Variants in PTPRD observed in about 807,000 individuals in gnomAD.
PTPRD encodes protein tyrosine phosphatase receptor type D.
Under a neutral mutation model 214.5 loss-of-function variants are expected in PTPRD, and 34 were observed. That is an observed-to-expected ratio of 0.16 (90% CI 0.12 to 0.21). The LOEUF is 0.21. PTPRD is among the 10% of genes least tolerant of loss of function. The pLI is 1.00. For missense variants in PTPRD, 2,545 were observed against 2,398.7 expected (o/e 1.06, Z -1.27); for synonymous variants, 1,128 against 845.7 (o/e 1.33, Z -5.79).
At chr9:8,841,456 G>A (rs951072757) in intron 11 of PTPRD, among the ~76,000 whole-genome samples, 1 of 152,034 alleles carries the variant, frequency 6.6e-6, no homozygotes, top group Admixed American at 6.6e-5. Context: ...AAAATGTTGT[G>A]TGGGGGAAGA....
intron 5 of PTPRD, among the ~76,000 whole-genome samples, chr9:9,874,987 G>C (rs1047014561): frequency 6.6e-6 from 1 of 152,112 alleles, no homozygotes; most frequent in Admixed American, 6.5e-5. Flanking sequence ...TTTGAATAAA[G>C]AGCACAATCA....
chr9:8,628,243 CTG>C (rs1355819546), intron 14 of PTPRD, among the ~76,000 whole-genome samples: 1 of 151,838 alleles, frequency 6.6e-6, no homozygotes, highest in African/African-American at 2.4e-5. Flanking sequence ...TAAAATGAGA[CTG>C]TAATCAACAT....
At position 9,709,984 on chromosome 9, in the gene PTPRD, T is replaced by G. The variant is rs187506723; in HGVS notation, c.-287+24549A>C. Among the ~76,000 whole-genome samples the G allele has an allele frequency of 9.2e-3, 1,402 of 152,164 alleles. 14 individuals are homozygous for G. Among genetic ancestry groups the G allele is most frequent in the Middle Eastern group, 0.02 (6 of 294 alleles). On this transcript the variant is annotated intron_variant, in intron 7 of 45. Transcript: ENST00000381196. ...ATCTTCTAGTCTGAAGGCGCTATAG[T>G]TCAGTGAATAGCATCATGCTGATTA...
intron 35 of PTPRD, among the ~76,000 whole-genome samples, chr9:8,431,714 T>G (rs2095065488): frequency 6.6e-6 from 1 of 152,192 alleles, no homozygotes; most frequent in East Asian, 1.9e-4. Context: ...CCTGAAGAGC[T>G]CTTTTAAAAT....
chr9:8,782,337 C>CT (rs907752629), intron 11 of PTPRD, among the ~76,000 whole-genome samples: 2 of 151,932 alleles, frequency 1.3e-5, no homozygotes, highest in South Asian at 2.1e-4. Context: ...TAGTCAACAA[C>CT]TTTTTTATGG....
intron 2 of PTPRD, among the ~76,000 whole-genome samples, chr9:10,440,846 A>C (rs1384232179): frequency 6.6e-6 from 1 of 151,746 alleles, no homozygotes; most frequent in Non-Finnish European, 1.5e-5. Flanking sequence ...CATGGCAATG[A>C]ATTGTTCTAA....
intron 7 of PTPRD, among the ~76,000 whole-genome samples, chr9:9,605,424 G>A (rs2094087474): frequency 6.6e-6 from 1 of 151,874 alleles, no homozygotes; most frequent in Non-Finnish European, 1.5e-5. Context: ...GCAAAGAAGT[G>A]GAACACCTGC....
intron 2 of PTPRD, among the ~76,000 whole-genome samples, chr9:10,513,787 C>A (rs56397962): frequency 8.6e-4 from 131 of 152,188 alleles, no homozygotes; most frequent in African/African-American, 2.2e-3. Context: ...ACACACAGTG[C>A]AAAAGAAATT....
chr9:9,369,902 T>G (rs1473843445), intron 9 of PTPRD, among the ~76,000 whole-genome samples: 1 of 152,196 alleles, frequency 6.6e-6, no homozygotes, highest in Non-Finnish European at 1.5e-5. Context: ...GTCAGGTTTG[T>G]CAAAGATCAG....
Position 8,667,248 on chromosome 9 carries a change from A to C in PTPRD, c.65-30404T>G, listed in dbSNP as rs377425133. 6.6e-5 allele frequency among the ~76,000 whole-genome samples: 10 copies of C among 152,308 alleles called. No homozygotes were observed. The South Asian group carries it at 2.1e-3, about 32-fold the overall frequency. On this transcript the variant is annotated intron_variant, in intron 12 of 45. Transcript: ENST00000381196. ...CAGCTACTTGGGAGGCTGAGGCAGG[A>C]GTATCGCTTGAACACGGGACGCAGA...
intron 11 of PTPRD, among the ~76,000 whole-genome samples, chr9:8,933,084 T>C (rs374257490): frequency 1.3e-5 from 2 of 152,012 alleles, no homozygotes; most frequent in East Asian, 1.9e-4. Context: ...CCGTTCCTCA[T>C]GGCACAGTCC....
intron 12 of PTPRD, among the ~76,000 whole-genome samples, chr9:8,727,060 G>C (rs568901945): frequency 4.6e-5 from 7 of 152,080 alleles, no homozygotes; most frequent in Admixed American, 1.3e-4. Flanking sequence ...AATGTTAAGG[G>C]AATAAAACCA....
In PTPRD at chr9:8,425,869, T is replaced by C. The variant is rs574945593; in HGVS notation, c.4086+10723A>G. On this transcript the variant is annotated intron_variant, in intron 35 of 45. Transcript: ENST00000381196. ...AGCAGAGACATCAGGACAGTTTCCA[T>C]TCGTCAGTGAAAATACCTTTTTTTG... 1.8e-3 allele frequency among the ~76,000 whole-genome samples: 277 copies of C among 152,282 alleles called. 1 individual carries two copies. The highest frequency in any genetic ancestry group is 6.4e-3 in the African/African-American group (268 of 41,558).
intron 3 of PTPRD, among the ~76,000 whole-genome samples, chr9:10,178,273 T>C (rs2099261107): frequency 6.6e-6 from 1 of 151,792 alleles, no homozygotes; most frequent in Admixed American, 6.6e-5. Context: ...AGGTATAAAA[T>C]CTAGGGCCCG....
In PTPRD at chr9:9,243,714, C is replaced by T. The variant is rs11506749; in HGVS notation, c.-202-60351G>A. Among the ~76,000 whole-genome samples, 557 of 152,220 alleles carry T rather than the reference C, an allele frequency of 3.7e-3. 4 individuals carry two copies. The highest frequency in any genetic ancestry group is 4.5e-3 in the Non-Finnish European group (306 of 68,008). On this transcript the variant is annotated intron_variant, in intron 9 of 45. Transcript: ENST00000381196. ...AATGGGCAAAAACTGGAAGCATTCC[C>T]CTTGAAAACTGGCACAAGACAGGGA...
chr9:9,011,038 G>A (rs1385342464), intron 11 of PTPRD, among the ~76,000 whole-genome samples: 1 of 152,134 alleles, frequency 6.6e-6, no homozygotes, highest in Non-Finnish European at 1.5e-5. Context: ...TCATAATTTA[G>A]ATTGCCCTAG....
At chr9:9,952,885 TA>T (rs1229784845) in intron 4 of PTPRD, among the ~76,000 whole-genome samples, 4 of 152,082 alleles carry the variant, frequency 2.6e-5, no homozygotes, top group African/African-American at 9.7e-5. Flanking sequence ...CTATTTCCCT[TA>T]AAAATGTAAA....
intron 3 of PTPRD, among the ~76,000 whole-genome samples, chr9:10,272,476 T>G (rs961235385): frequency 6.6e-6 from 1 of 152,250 alleles, no homozygotes; most frequent in Non-Finnish European, 1.5e-5. Flanking sequence ...AGGCATGGAT[T>G]GCTTTGTTTT....
chr9:9,243,388 T>A (rs901374002), intron 9 of PTPRD, among the ~76,000 whole-genome samples: 12 of 152,104 alleles, frequency 7.9e-5, no homozygotes, highest in African/African-American at 2.7e-4. Flanking sequence ...GCAAAAATCC[T>A]CAACAAAATA....
Sources: allele counts gnomAD v4.1 joint callset (sites outside exome capture counted in the v4.1 genomes callset), GRCh38; gene constraint gnomAD v4.1.1; transcripts MANE v1.5; gene names NCBI Gene and HGNC (gene_info 2026-07-23, HGNC 2026-07-21).